PPM1H: variants seen among roughly 807,000 people sequenced by gnomAD.
PPM1H encodes the protein protein phosphatase, Mg2+/Mn2+ dependent 1H, also known as protein phosphatase 1H.
In PPM1H, 27 loss-of-function variants were observed where a neutral mutation model predicts 54.9. The ratio of observed to expected loss-of-function variants is 0.49; its 90% CI spans 0.36 to 0.68. The LOEUF (loss-of-function observed/expected upper bound fraction) is 0.68, where lower values mean the gene tolerates loss of function less well. PPM1H is among the 30% of genes least tolerant of loss of function. PPM1H has a pLI of 0.00. For synonymous variants in PPM1H, 305 were observed against 270.8 expected (o/e 1.13, Z -1.24); for missense variants, 596 against 667.8 (o/e 0.89, Z 1.19).
rs1377702529 is a variant in PPM1H at position 62,746,669 on chromosome 12, C to T, written c.870-9083G>A. Among the ~76,000 whole-genome samples the T allele has an allele frequency of 3.9e-5, 6 of 152,312 alleles. No homozygotes were observed. In the East Asian group the frequency reaches 1.2e-3, roughly 29 times the overall value. On this transcript the variant is annotated intron_variant, in intron 4 of 9. Coordinates refer to ENST00000228705, the MANE Select transcript of PPM1H (RefSeq NM_020700.2). Reference sequence around the variant, plus strand: ...TTGCCTGGGAGATATCTCCCTTGTTCCGGGGCAAGCAAAACTCAACTTACA... The same window carrying T: ...TTGCCTGGGAGATATCTCCCTTGTTTCGGGGCAAGCAAAACTCAACTTACA...
At chr12:62,714,716 C>A (rs912201354) in intron 6 of PPM1H, among the ~76,000 whole-genome samples, 3 of 152,184 alleles carry the variant, frequency 2.0e-5, no homozygotes, top group East Asian at 3.9e-4. Context: ...CCAAGTCAAG[C>A]ATGTGATCTC....
chr12:62,832,147 G>A lies in PPM1H; in HGVS notation c.378C>T (p.Pro126=). The change falls in exon 2 of 10, where the codon CCC becomes CCT. Residue 126 remains proline, a synonymous_variant. Coordinates refer to ENST00000228705, the MANE Select transcript of PPM1H (RefSeq NM_020700.2). The part of the protein sequence containing the change: ...RNSSKRRSSL[P]NGEGLQLKEN... Reference sequence around the variant, plus strand: ...CCTTCAGCTGCAGCCCTTCCCCATTGGGAAGGGAGGACCGTCTCTTGGATG... The same window carrying A: ...CCTTCAGCTGCAGCCCTTCCCCATTAGGAAGGGAGGACCGTCTCTTGGATG... 1 of 1,613,870 alleles carries A rather than the reference G, an allele frequency of 6.2e-7. No individual in the cohort carries two copies. Among genetic ancestry groups the A allele is most frequent in the Non-Finnish European group, 8.5e-7 (1 of 1,179,842 alleles).
intron 2 of PPM1H, among the ~76,000 whole-genome samples, chr12:62,806,068 T>C (rs1340968869): frequency 6.6e-6 from 1 of 152,100 alleles, no homozygotes; most frequent in Non-Finnish European, 1.5e-5. Flanking sequence ...AAAATAAATA[T>C]TTGGGATCTC....
At chr12:62,685,605 G>A (rs535636171) in intron 8 of PPM1H, among the ~76,000 whole-genome samples, 1 of 152,308 alleles carries the variant, frequency 6.6e-6, no homozygotes, top group African/African-American at 2.4e-5. Context: ...TAAATGAGAT[G>A]TGTCCTGTAA....
chr12:62,838,481 G>A (rs1868583556), intron 1 of PPM1H, among the ~76,000 whole-genome samples: 1 of 152,152 alleles, frequency 6.6e-6, no homozygotes, highest in African/African-American at 2.4e-5. Context: ...TGGAAAAGAA[G>A]GACAACTTAA....
At chr12:62,737,841 C>T (rs1288513121) in intron 4 of PPM1H, among the ~76,000 whole-genome samples, 1 of 152,048 alleles carries the variant, frequency 6.6e-6, no homozygotes, top group Non-Finnish European at 1.5e-5. Context: ...TGCTCCAGCC[C>T]CAACCATACT....
chr12:62,864,196 G>T (rs1869698294), intron 1 of PPM1H, among the ~76,000 whole-genome samples: 1 of 152,180 alleles, frequency 6.6e-6, no homozygotes, highest in Admixed American at 6.5e-5. Flanking sequence ...CACCCAAAAT[G>T]TCATTAGTGC....
chr12:62,781,136 G>A (rs557233888), intron 4 of PPM1H, among the ~76,000 whole-genome samples: 33 of 152,304 alleles, frequency 2.2e-4, no homozygotes, highest in Admixed American at 1.8e-3. Context: ...AATGGAGGCC[G>A]GGATAGGATA....
At chr12:62,649,631 G>C (rs1040117006) in intron 9 of PPM1H, among the ~76,000 whole-genome samples, 2 of 152,206 alleles carry the variant, frequency 1.3e-5, no homozygotes, top group Non-Finnish European at 2.9e-5. Context: ...ATACCATTAA[G>C]CATATGATTC....
rs1159119267 is a variant in PPM1H at position 62,648,530 on chromosome 12, C to T, written c.1504G>A (p.Val502Ile). ...DRLGSGDDIS[V>I]YVIPLIHGNK... ...CCATGTATTAAAGGAATGACATATA[C>T]AGAAATGTCGTCTCCTGAGCCCAGT... is the stretch of plus-strand genomic sequence containing the variant. Residue 502 changes from valine (V) to isoleucine (I), a missense_variant, in exon 10 of 10, where the codon GTA (valine) becomes ATA (isoleucine). Transcript: ENST00000228705. 2.5e-6 allele frequency: 4 copies of T among 1,613,988 alleles called. No individual in the cohort carries two copies. The South Asian group carries it at 3.3e-5, about 13-fold the overall frequency.
chr12:62,926,189 C>A (rs777443467), intron 1 of PPM1H, among the ~76,000 whole-genome samples: 1 of 152,130 alleles, frequency 6.6e-6, no homozygotes, highest in African/African-American at 2.4e-5. Flanking sequence ...AGAAGTCACC[C>A]GTGCCCTGGT....
intron 2 of PPM1H, among the ~76,000 whole-genome samples, 189 bp from the exon 3 acceptor site, chr12:62,802,349 G>C (rs1800683897): frequency 6.6e-6 from 1 of 152,084 alleles, no homozygotes; most frequent in South Asian, 2.1e-4. Context: ...AACACTCAGG[G>C]AAGGGTCCCC....
chr12:62,801,975 C>A lies in PPM1H; in HGVS notation c.597G>T (p.Thr199=), dbSNP rs746784225. 1.2e-6 allele frequency: 2 copies of A among 1,612,826 alleles called. No homozygotes were observed. Among genetic ancestry groups the A allele is most frequent in the East Asian group, 2.2e-5 (1 of 44,854 alleles). Residue 199 remains threonine, a synonymous_variant, in exon 3 of 10, where the codon ACG becomes ACT. Coordinates refer to ENST00000228705, the MANE Select transcript of PPM1H (RefSeq NM_020700.2). ...GGGTCAGAGTCCGGCTGTTGGCGGG[C>A]GTGTTCTCAGGCTCCTCCCCCAGGC... ...PTCLGEEPEN[T]PANSRTLTRA... is the part of the protein sequence containing the mutation.
At chr12:62,818,821 C>CTT (rs771501305) in intron 2 of PPM1H, among the ~76,000 whole-genome samples, 118 of 135,806 alleles carry the variant, frequency 8.7e-4, no homozygotes, top group South Asian at 2.4e-3. Context: ...TTTTCTTTTT[C>CTT]TTTTTTTTTT....
rs921477526 is a variant in PPM1H, at chr12:62,904,716, C to A, written c.245+29776G>T. 2.0e-5 allele frequency among the ~76,000 whole-genome samples: 3 copies of A among 152,160 alleles called. No individual in the cohort carries two copies. The South Asian group carries it at 6.2e-4, about 31-fold the overall frequency. ...TTAAAGCTACGGAGGTTGGTGTGAG[C>A]TATTCAGAGGTCACCAGGACCATCA... is the stretch of plus-strand genomic sequence containing the variant. On this transcript the variant is annotated intron_variant, in intron 1 of 9. Transcript: ENST00000228705.
In PPM1H at chr12:62,832,248, C is replaced by T; in HGVS notation, c.277G>A (p.Glu93Lys). 6.2e-7 allele frequency: 1 copy of T among 1,613,162 alleles called. No individual in the cohort carries two copies. The highest frequency in any genetic ancestry group is 8.5e-7 in the Non-Finnish European group (1 of 1,179,554). The change falls in exon 2 of 10, where the codon GAA becomes AAA. Residue 93 changes from glutamate to lysine, a missense_variant. By Grantham distance (56) the Glu-to-Lys change is moderately conservative (BLOSUM62 1). This residue lies in a region of PPM1H where 382 missense variants were observed against 387.1 expected (regional missense o/e 0.99). Transcript: ENST00000228705. ...AGCACCTCACAGCTGGCTTGGTCTT[C>T]ATTGTGTGTGCTCTTCCCGGCATTG... ...VINAGKSTHN[E>K]DQASCEVLTV...
intron 8 of PPM1H, among the ~76,000 whole-genome samples, chr12:62,680,991 G>C (rs947714304): frequency 6.6e-6 from 1 of 152,102 alleles, no homozygotes; most frequent in South Asian, 2.1e-4. Flanking sequence ...GTAAATACTA[G>C]GAAGACCCTC....
intron 6 of PPM1H, among the ~76,000 whole-genome samples, chr12:62,708,231 C>T (rs1333646353): frequency 6.6e-6 from 1 of 152,208 alleles, no homozygotes; most frequent in Non-Finnish European, 1.5e-5. Context: ...CCTTGATTTA[C>T]TTGTCTGAAG....
At chr12:62,709,546 C>T (rs2076194779) in intron 6 of PPM1H, among the ~76,000 whole-genome samples, 2 of 152,120 alleles carry the variant, frequency 1.3e-5, no homozygotes, top group African/African-American at 4.8e-5. Flanking sequence ...TCTCGTAATC[C>T]AGATCTTTGG....
Sources: allele counts gnomAD v4.1 joint callset (sites outside exome capture counted in the v4.1 genomes callset), GRCh38; gene constraint gnomAD v4.1.1; regional missense constraint gnomAD v4.1.1; transcripts MANE v1.5; gene names NCBI Gene and HGNC (gene_info 2026-07-23, HGNC 2026-07-21).